ARFGEF1: variants seen among roughly 807,000 people sequenced by gnomAD.
ARFGEF1 encodes ARF guanine nucleotide exchange factor 1.
Under a neutral mutation model 231.0 loss-of-function variants are expected in ARFGEF1, and 42 were observed. That is an observed-to-expected ratio of 0.18 (90% confidence interval 0.14 to 0.24). ARFGEF1 has a LOEUF of 0.24. ARFGEF1 is among the 10% of genes least tolerant of loss of function. The pLI, the probability that ARFGEF1 is intolerant of heterozygous loss-of-function variation, is 1.00. For synonymous variants in ARFGEF1, 710 were observed against 732.3 expected, an observed-to-expected ratio of 0.97 and a Z score of 0.49; for missense variants, 1,345 against 2,192.0, an observed-to-expected ratio of 0.61 and a Z score of 7.72.
intron 18 of ARFGEF1, among the ~76,000 whole-genome samples, chr8:67,251,793 T>C (rs564645409): frequency 2.0e-5 from 3 of 152,260 alleles, no homozygotes; most frequent in South Asian, 2.1e-4. Context: ...CACTGAATTG[T>C]TCATTTTTAA....
intron 36 of ARFGEF1, among the ~76,000 whole-genome samples, chr8:67,202,434 T>C (rs1838365813): frequency 6.6e-6 from 1 of 151,990 alleles, no homozygotes; most frequent in Non-Finnish European, 1.5e-5. Context: ...TAATTTTTAA[T>C]TTCTTGTAGA....
At position 67,343,694 on chromosome 8, in the gene ARFGEF1, T is replaced by G. The variant is rs1808767699; in HGVS notation, c.-407A>C. Reference sequence around the variant, plus strand: ...AGGCACCGCGAGAGAAGGGCTACCCTGGCTACTGTGGGGATTAGCACCCGC... The same window carrying G: ...AGGCACCGCGAGAGAAGGGCTACCCGGGCTACTGTGGGGATTAGCACCCGC... On this transcript the variant is annotated 5_prime_UTR_variant, in exon 1 of 39. Coordinates refer to ENST00000262215, the MANE Select transcript of ARFGEF1 (RefSeq NM_006421.5). The G allele has an allele frequency of 2.5e-6, 2 of 796,374 alleles. No homozygotes were observed. The highest frequency in any genetic ancestry group is 5.4e-5 in the South Asian group (1 of 18,448). 49.3% of individuals were successfully genotyped at this position (796,374 alleles called of 1,614,324 possible).
chr8:67,290,415 A>G (rs555338193), intron 6 of ARFGEF1, among the ~76,000 whole-genome samples: 240 of 152,314 alleles, frequency 1.6e-3, no homozygotes, highest in African/African-American at 5.6e-3. Flanking sequence ...AGATTCAACT[A>G]AAATATCACC....
In ARFGEF1 at chr8:67,276,115, C is replaced by G. The variant is rs1473105248; in HGVS notation, c.1204-6G>C. ...CCTGAAGAATTTCCAGATTCCTAAA[C>G]AAGTTAACATACCATGAAAATTTTA... On this transcript the variant is annotated splice_polypyrimidine_tract_variant and splice_region_variant and intron_variant, in intron 8 of 38. Coordinates refer to ENST00000262215, the MANE Select transcript of ARFGEF1 (RefSeq NM_006421.5). 1 of 1,612,614 alleles carries G rather than the reference C, an allele frequency of 6.2e-7. No individual in the cohort carries two copies. The highest frequency in any genetic ancestry group is 2.2e-5 in the East Asian group (1 of 44,782).
chr8:67,227,622 G>A lies in ARFGEF1; in HGVS notation c.3592-24C>T, dbSNP rs370122290. 55 of 1,601,430 alleles carry A rather than the reference G, an allele frequency of 3.4e-5. 1 individual carries two copies. Among genetic ancestry groups the A allele is most frequent in the South Asian group, 2.2e-4 (20 of 89,364 alleles). On this transcript the variant is annotated intron_variant, in intron 25 of 38. Transcript: ENST00000262215. ...ACCTGTAATGGCGACAGAAATAAAC[G>A]ATGCTAATTAATATCAGCAGTAAAA...
At chr8:67,303,843 A>C (rs1806614237) in intron 1 of ARFGEF1, among the ~76,000 whole-genome samples, 2 of 152,190 alleles carry the variant, frequency 1.3e-5, no homozygotes. Context: ...CATATACTAA[A>C]CTTTACATAG....
At chr8:67,254,345 C>A (rs934852522) in intron 17 of ARFGEF1, among the ~76,000 whole-genome samples, 1 of 152,162 alleles carries the variant, frequency 6.6e-6, no homozygotes, top group African/African-American at 2.4e-5. Context: ...TATGTGATGT[C>A]TCTGAAGAGA....
intron 23 of ARFGEF1, among the ~76,000 whole-genome samples, chr8:67,232,198 TGGGA>T (rs1290205771): frequency 1.3e-5 from 2 of 151,526 alleles, no homozygotes; most frequent in South Asian, 2.1e-4. Context: ...AAGTAGGGGG[TGGGA>T]GGAAGAAAAA....
chr8:67,289,837 T>C lies in ARFGEF1; in HGVS notation c.917-1772A>G, dbSNP rs1056593333. Among the ~76,000 whole-genome samples the C allele has an allele frequency of 6.6e-5, 10 of 152,338 alleles. No individual in the cohort carries two copies. In the East Asian group the frequency reaches 1.3e-3, roughly 21 times the overall value. On this transcript the variant is annotated intron_variant, in intron 6 of 38. Coordinates refer to ENST00000262215, the MANE Select transcript of ARFGEF1 (RefSeq NM_006421.5). ...ATTTTTCTGCCATTCTTAAGTGTTTTATTTCCATGCTCTAGTTGGCTAAAA... is the reference window on the plus strand; with the variant it reads ...ATTTTTCTGCCATTCTTAAGTGTTTCATTTCCATGCTCTAGTTGGCTAAAA...
rs959278750 is a variant in ARFGEF1, at chr8:67,281,431, C to A, written c.1028-3974G>T. ...ACGTATATACAAAAGATAAAAGCAT[C>A]TTTTAATCAAACAAGAAAACTTACT... On this transcript the variant is annotated intron_variant, in intron 7 of 38. Transcript: ENST00000262215. Among the ~76,000 whole-genome samples the A allele has an allele frequency of 2.0e-5, 3 of 151,862 alleles. No individual in the cohort carries two copies. In the East Asian group the frequency reaches 5.8e-4, roughly 29 times the overall value.
chr8:67,186,907 A>G (rs1015815574), intron 5 of ARFGEF1, among the ~76,000 whole-genome samples: 1 of 152,228 alleles, frequency 6.6e-6, no homozygotes, highest in African/African-American at 2.4e-5. Flanking sequence ...ATTAAAAATT[A>G]AAAACACAAT....
At chr8:67,232,651 ACT>A (rs1839592497) in intron 23 of ARFGEF1, among the ~76,000 whole-genome samples, 1 of 152,028 alleles carries the variant, frequency 6.6e-6, no homozygotes, top group African/African-American at 2.4e-5. Flanking sequence ...AAATTTTCAT[ACT>A]GTTTATCATC....
intron 7 of ARFGEF1, among the ~76,000 whole-genome samples, chr8:67,280,234 G>A (rs919686308): frequency 1.1e-4 from 17 of 152,194 alleles, no homozygotes; most frequent in African/African-American, 4.1e-4. Flanking sequence ...GAGGTAAGAG[G>A]GAAGATGCAA....
intron 34 of ARFGEF1, among the ~76,000 whole-genome samples, chr8:67,206,184 T>C (rs574487966): frequency 1.3e-5 from 2 of 151,504 alleles, no homozygotes; most frequent in African/African-American, 4.8e-5. Context: ...CCAAGGCAGG[T>C]GGATTGCCTG....
intron 36 of ARFGEF1, among the ~76,000 whole-genome samples, chr8:67,202,823 C>G (rs1046414492): frequency 2.6e-5 from 4 of 152,058 alleles, no homozygotes; most frequent in Non-Finnish European, 5.9e-5. Flanking sequence ...CAAGAAGGTC[C>G]AGGTTGGGTA....
intron 35 of ARFGEF1, among the ~76,000 whole-genome samples, 180 bp downstream of exon 35, chr8:67,204,500 C>T (rs1838443819): frequency 6.6e-6 from 1 of 152,034 alleles, no homozygotes; most frequent in African/African-American, 2.4e-5. Flanking sequence ...AGTTGCTGAC[C>T]CTCCTCCCTG....
chr8:67,285,566 C>T (rs1805723023), intron 7 of ARFGEF1, among the ~76,000 whole-genome samples: 1 of 152,028 alleles, frequency 6.6e-6, no homozygotes. Context: ...CATATCATCT[C>T]CAAGTATCAA....
intron 1 of ARFGEF1, among the ~76,000 whole-genome samples, chr8:67,310,178 C>T (rs1806933425): frequency 6.6e-6 from 1 of 152,122 alleles, no homozygotes; most frequent in Admixed American, 6.5e-5. Context: ...GACTGTACTG[C>T]TGCCATCTCG....
intron 1 of ARFGEF1, among the ~76,000 whole-genome samples, chr8:67,338,242 A>C (rs1808439119): frequency 6.6e-6 from 1 of 152,054 alleles, no homozygotes; most frequent in African/African-American, 2.4e-5. Context: ...TACTTTCCCC[A>C]AACCTGTGTT....
Sources: allele counts gnomAD v4.1 joint callset (sites outside exome capture counted in the v4.1 genomes callset), GRCh38; gene constraint gnomAD v4.1.1; transcripts MANE v1.5; gene names NCBI Gene and HGNC (gene_info 2026-07-23, HGNC 2026-07-21).